Variants in GSE1 observed in about 807,000 individuals in gnomAD.
GSE1 encodes Gse1 coiled-coil protein, also known as genetic suppressor element 1.
GSE1 carries 32 observed loss-of-function variants against 112.6 expected under a neutral mutation model. The observed-to-expected ratio is 0.28, with a 90% confidence interval of 0.21 to 0.38. The LOEUF is 0.38. Among genes scored for constraint, GSE1 ranks in the 10% least tolerant of loss-of-function variants. The probability of loss-of-function intolerance (pLI) is 1.00; values close to 1 mark genes in which losing one functional copy is unlikely to be tolerated. For synonymous variants in GSE1, 1,115 were observed against 735.6 expected (o/e 1.52, Z -8.35); for missense variants, 2,348 against 1,699.2 (o/e 1.38, Z -6.71).
chr16:85,521,039 C>G (rs530836662), intron 2 of GSE1, among the ~76,000 whole-genome samples: 8 of 152,128 alleles, frequency 5.3e-5, no homozygotes, highest in Non-Finnish European at 7.4e-5. Flanking sequence ...GGGAGCCCAA[C>G]GAGCCGGTTT....
intron 1 of GSE1, among the ~76,000 whole-genome samples, chr16:85,560,704 A>G (rs1034423717): frequency 6.6e-6 from 1 of 152,004 alleles, no homozygotes; most frequent in Non-Finnish European, 1.5e-5. Context: ...CTCTGTATGT[A>G]TGTATGTATG....
At chr16:85,278,790 CA>C (rs772754807) in intron 1 of GSE1, 3 of 170,122 alleles carry the variant, frequency 1.8e-5, no homozygotes, top group Admixed American at 1.6e-4. Context: ...TAGGTCAACC[CA>C]AGAAGATTAT....
chr16:85,505,855 C>T (rs1337674551), intron 2 of GSE1, among the ~76,000 whole-genome samples: 1 of 152,058 alleles, frequency 6.6e-6, no homozygotes, highest in African/African-American at 2.4e-5. Flanking sequence ...TAAAAATAAA[C>T]TAGCTGAGCA....
chr16:85,518,851 C>T (rs1394886515), intron 2 of GSE1, among the ~76,000 whole-genome samples: 1 of 152,134 alleles, frequency 6.6e-6, no homozygotes, highest in Non-Finnish European at 1.5e-5. Context: ...GGAAGGAAGC[C>T]CTGTCTTGCC....
At chr16:85,639,287 A>G (rs79617227) in intron 2 of GSE1, among the ~76,000 whole-genome samples, 2,262 of 152,264 alleles carry the variant, frequency 0.015, 62 homozygotes, top group African/African-American at 0.051. Flanking sequence ...GGGTACAAGC[A>G]GGGACCTGTC....
At chr16:85,268,418 C>G (rs907431213) in intron 1 of GSE1, among the ~76,000 whole-genome samples, 2 of 152,188 alleles carry the variant, frequency 1.3e-5, no homozygotes, top group Non-Finnish European at 2.9e-5. Flanking sequence ...GCACTCAGGT[C>G]ACTCCCCTTC....
intron 1 of GSE1, among the ~76,000 whole-genome samples, chr16:85,296,193 C>G (rs1322670491): frequency 6.6e-6 from 1 of 152,166 alleles, no homozygotes; most frequent in East Asian, 1.9e-4. Context: ...AAGGGGACAG[C>G]CTGTGCGAAC....
At chr16:85,342,864 CT>C (rs1423726133) in intron 1 of GSE1, among the ~76,000 whole-genome samples, 1 of 151,184 alleles carries the variant, frequency 6.6e-6, no homozygotes, top group African/African-American at 2.4e-5. Flanking sequence ...GCGGCACCCC[CT>C]CTCCATGCAC....
intron 14 of GSE1, among the ~76,000 whole-genome samples, chr16:85,669,262 G>T (rs1338358654): frequency 1.3e-5 from 2 of 152,232 alleles, no homozygotes; most frequent in Non-Finnish European, 2.9e-5. Flanking sequence ...AGCTGGGCTG[G>T]GCCACAGCCA....
intron 1 of GSE1, among the ~76,000 whole-genome samples, chr16:85,172,276 T>C (rs1291788928): frequency 6.6e-6 from 1 of 152,220 alleles, no homozygotes; most frequent in Non-Finnish European, 1.5e-5. Context: ...TGGCTTGGCT[T>C]TTCCAGAGTT....
chr16:85,649,035 A>C (rs559845517), intron 3 of GSE1, among the ~76,000 whole-genome samples: 1 of 151,996 alleles, frequency 6.6e-6, no homozygotes, highest in Admixed American at 6.5e-5. Flanking sequence ...CAAGTTCACA[A>C]TCCGGGGGCC....
chr16:85,273,836 C>A (rs1430088060), intron 1 of GSE1, among the ~76,000 whole-genome samples: 1 of 151,552 alleles, frequency 6.6e-6, no homozygotes. Context: ...ATTACAGGTA[C>A]CTGCCACGAC....
upstream of GSE1, among the ~76,000 whole-genome samples, chr16:85,607,157 T>C (rs2047741863): frequency 6.6e-6 from 1 of 151,804 alleles, no homozygotes; most frequent in African/African-American, 2.4e-5. Flanking sequence ...AGCTGCCCTC[T>C]GGGACCTGTA....
At chr16:85,312,755 A>G (rs1055349503) in intron 1 of GSE1, among the ~76,000 whole-genome samples, 5 of 151,184 alleles carry the variant, frequency 3.3e-5, no homozygotes, top group Non-Finnish European at 7.4e-5. Context: ...GAGGAGAAGG[A>G]GGGGGAGGAA....
At chr16:85,590,355 T>G (rs1289884331) in intron 1 of GSE1, among the ~76,000 whole-genome samples, 1 of 144,216 alleles carries the variant, frequency 6.9e-6, no homozygotes, top group Non-Finnish European at 1.5e-5. Flanking sequence ...GTGGGCCTGC[T>G]TGTGAATGAG....
chr16:85,476,303 C>T (rs987497779), intron 2 of GSE1, among the ~76,000 whole-genome samples: 3 of 152,142 alleles, frequency 2.0e-5, no homozygotes, highest in East Asian at 1.9e-4. Flanking sequence ...TCAGTGGAAT[C>T]GGGTGGGAGT....
At chr16:85,566,976 G>A (rs2045777398) in intron 1 of GSE1, among the ~76,000 whole-genome samples, 1 of 152,084 alleles carries the variant, frequency 6.6e-6, no homozygotes, top group Non-Finnish European at 1.5e-5. Context: ...TGTCACTGTC[G>A]GAAGTGTCAC....
At chr16:85,171,572 T>C in exon 1 of GSE1, 1 of 985,558 alleles carries the variant, frequency 1.0e-6, no homozygotes, top group African/African-American at 1.7e-5. Flanking sequence ...GAGACGTTCG[T>C]GTGCTTCTTT....
chr16:85,614,077 C>A (rs1307439998), intron 1 of GSE1, among the ~76,000 whole-genome samples: 1 of 140,806 alleles, frequency 7.1e-6, no homozygotes, highest in Non-Finnish European at 1.6e-5. Flanking sequence ...CGGAGCGGCT[C>A]CCTGCCCCTC....
Sources: allele counts gnomAD v4.1 joint callset (sites outside exome capture counted in the v4.1 genomes callset), GRCh38; gene constraint gnomAD v4.1.1; transcripts MANE v1.5; gene names NCBI Gene and HGNC (gene_info 2026-07-23, HGNC 2026-07-21).